Variants in XXYLT1 observed in about 807,000 individuals in gnomAD.
XXYLT1 encodes UDP-xylose:alpha-xyloside alpha-1,3-xylosyltransferase.
XXYLT1 carries 20 observed loss-of-function variants against 28.9 expected under a neutral mutation model. The observed-to-expected ratio is 0.69, with a 90% CI of 0.49 to 1.00. The LOEUF is 1.00. Among genes scored for constraint, XXYLT1 ranks in the 50% least tolerant of loss-of-function variants. The probability of loss-of-function intolerance (pLI) is 0.00; values close to 1 mark genes in which losing one functional copy is unlikely to be tolerated. For missense variants in XXYLT1, 542 were observed against 560.1 expected, an observed-to-expected ratio of 0.97 and a Z score of 0.33; for synonymous variants, 257 against 253.8, an observed-to-expected ratio of 1.01 and a Z score of -0.12.
At chr3:195,228,772 T>G (rs1385612890) in intron 1 of XXYLT1, among the ~76,000 whole-genome samples, 10 of 151,058 alleles carry the variant, frequency 6.6e-5, no homozygotes, top group East Asian at 3.9e-4. Context: ...ACAGGCATGA[T>G]CCACCACACC....
rs112176751 is a variant in XXYLT1 at position 195,080,297 on chromosome 3, C to T, written c.786-10186G>A. On this transcript the variant is annotated intron_variant, in intron 3 of 3. Transcript: ENST00000310380. Reference sequence around the variant, plus strand: ...TGCCCACAGCCCTCTGGACAACACCCTTCCTAGCGCTGGCCCTGGAAGGCA... The same window carrying T: ...TGCCCACAGCCCTCTGGACAACACCTTTCCTAGCGCTGGCCCTGGAAGGCA... 4.2e-3 allele frequency among the ~76,000 whole-genome samples: 645 copies of T among 152,356 alleles called. 1 individual carries two copies. The highest frequency in any genetic ancestry group is 0.015 in the African/African-American group (607 of 41,578).
chr3:195,171,393 G>C (rs982492015), intron 2 of XXYLT1, among the ~76,000 whole-genome samples: 1 of 152,164 alleles, frequency 6.6e-6, no homozygotes, highest in African/African-American at 2.4e-5. Flanking sequence ...TTTTTACCCG[G>C]TCACTTTCCA....
At chr3:195,112,224 G>A (rs1717757777) in intron 3 of XXYLT1, among the ~76,000 whole-genome samples, 1 of 152,176 alleles carries the variant, frequency 6.6e-6, no homozygotes, top group South Asian at 2.1e-4. Context: ...AAGCCTACTG[G>A]AATCCGGGTC....
At chr3:195,143,653 T>G (rs898230344) in intron 3 of XXYLT1, among the ~76,000 whole-genome samples, 1 of 151,260 alleles carries the variant, frequency 6.6e-6, no homozygotes, top group East Asian at 1.9e-4. Context: ...GGCATTTACC[T>G]GAAATTAAAC....
At chr3:195,085,764 C>G (rs1321115604) in intron 3 of XXYLT1, 1 of 152,756 alleles carries the variant, frequency 6.5e-6, no homozygotes, top group Non-Finnish European at 1.5e-5. Flanking sequence ...CCTCACTGTC[C>G]TTCGACTGTG....
At chr3:195,228,803 T>G (rs1724175084) in intron 1 of XXYLT1, among the ~76,000 whole-genome samples, 1 of 151,078 alleles carries the variant, frequency 6.6e-6, no homozygotes, top group Non-Finnish European at 1.5e-5. Flanking sequence ...CCCTTATTTC[T>G]TCTATATGTA....
At position 195,088,957 on chromosome 3, in the gene XXYLT1, A is replaced by G. The variant is rs937609590; in HGVS notation, c.786-18846T>C. 9.2e-5 allele frequency among the ~76,000 whole-genome samples: 14 copies of G among 152,182 alleles called. No individual in the cohort carries two copies. The South Asian group carries it at 1.0e-3, about 11-fold the overall frequency. On this transcript the variant is annotated intron_variant, in intron 3 of 3. Coordinates refer to ENST00000310380, the MANE Select transcript of XXYLT1 (RefSeq NM_152531.5). ...GAAGATGAAATGAATGAAATGAAGC[A>G]AGAAGGGAAGTTTAGAGAAAAAACA...
At chr3:195,175,582 A>C (rs762902315) in intron 2 of XXYLT1, 4 of 1,535,700 alleles carry the variant, frequency 2.6e-6, no homozygotes, top group Non-Finnish European at 3.5e-6. Context: ...GGTGTTTCAG[A>C]AGCAGGTCTC....
intron 2 of XXYLT1, among the ~76,000 whole-genome samples, chr3:195,208,829 C>T (rs1001187943): frequency 1.3e-5 from 2 of 151,992 alleles, no homozygotes; most frequent in East Asian, 1.9e-4. Context: ...CCAGAGTCCC[C>T]GGGAGGTCAC....
rs535505191 is a variant in XXYLT1, at chr3:195,106,295, G to T, written c.786-36184C>A. The stretch of plus-strand genomic sequence containing the variant: ...ATGCTCTTGCTGTGTTTTTGACGGA[G>T]AGATGCTCTTGTTGTGTTTTTGATG... On this transcript the variant is annotated intron_variant, in intron 3 of 3. Transcript: ENST00000310380. 5.4e-4 allele frequency among the ~76,000 whole-genome samples: 81 copies of T among 149,552 alleles called. 1 individual carries two copies. Among genetic ancestry groups the T allele is most frequent in the African/African-American group, 2.0e-3 (81 of 41,182 alleles).
intron 3 of XXYLT1, among the ~76,000 whole-genome samples, chr3:195,072,599 G>A (rs577028893): frequency 2.6e-5 from 4 of 152,328 alleles, no homozygotes; most frequent in South Asian, 2.1e-4. Context: ...AGAGGTATTT[G>A]ATGATGGTCA....
At chr3:195,098,683 C>T (rs1023855181) in intron 3 of XXYLT1, among the ~76,000 whole-genome samples, 1 of 152,262 alleles carries the variant, frequency 6.6e-6, no homozygotes, top group Non-Finnish European at 1.5e-5. Context: ...GAGCCCTCCT[C>T]GCTGCGCTGG....
chr3:195,184,125 G>A (rs1016305913), intron 2 of XXYLT1, among the ~76,000 whole-genome samples: 1 of 152,216 alleles, frequency 6.6e-6, no homozygotes, highest in Non-Finnish European at 1.5e-5. Context: ...TGAGCTATGA[G>A]CAAAGACAAC....
intron 2 of XXYLT1, among the ~76,000 whole-genome samples, chr3:195,197,639 T>A (rs1033656002): frequency 6.6e-6 from 1 of 152,060 alleles, no homozygotes; most frequent in Non-Finnish European, 1.5e-5. Flanking sequence ...ATTGAAACTA[T>A]CTAAACAAAT....
At chr3:195,153,380 C>A (rs988294022) in intron 3 of XXYLT1, among the ~76,000 whole-genome samples, 3 of 152,140 alleles carry the variant, frequency 2.0e-5, no homozygotes, top group African/African-American at 2.4e-5. Context: ...GCGGGGCACG[C>A]GGCAGGCAGT....
intron 1 of XXYLT1, among the ~76,000 whole-genome samples, chr3:195,238,092 C>T (rs1235990617): frequency 3.3e-5 from 5 of 152,172 alleles, no homozygotes; most frequent in East Asian, 1.9e-4. Context: ...AGTTACAGTC[C>T]GAATCCTCTA....
intron 3 of XXYLT1, among the ~76,000 whole-genome samples, chr3:195,105,863 A>G (rs1333325806): frequency 6.6e-6 from 1 of 152,182 alleles, no homozygotes; most frequent in Non-Finnish European, 1.5e-5. Context: ...TGACGTTTCC[A>G]GCTGTCACCA....
chr3:195,210,901 C>A lies in XXYLT1; in HGVS notation c.652+15808G>T, dbSNP rs566057000. 1.3e-5 allele frequency among the ~76,000 whole-genome samples: 2 copies of A among 152,308 alleles called. No homozygotes were observed. The highest frequency in any genetic ancestry group is 4.8e-5 in the African/African-American group (2 of 41,576). On this transcript the variant is annotated intron_variant, in intron 2 of 3. Transcript: ENST00000310380. The surrounding 1 kb of genome is among the most constrained non-coding windows in gnomAD (Gnocchi z 4.8). ...CAAGAACCCCTGCTCCTCCCCCCAGCTGAACGCTGACAGTCAAGGGCAGCA... is the reference window on the plus strand; with the variant it reads ...CAAGAACCCCTGCTCCTCCCCCCAGATGAACGCTGACAGTCAAGGGCAGCA...
chr3:195,109,602 GGT>G (rs1448440638), intron 3 of XXYLT1, among the ~76,000 whole-genome samples: 2 of 76,552 alleles, frequency 2.6e-5, no homozygotes, highest in East Asian at 2.4e-4. Flanking sequence ...ACGTGTGTGT[GGT>G]GTGTGTTGTA....
Sources: gnomAD v4.1 joint callset for allele counts (sites outside exome capture counted in the v4.1 genomes callset) on GRCh38, gnomAD v4.1.1 for gene constraint, Gnocchi (gnomAD v3.1) non-coding constraint, MANE v1.5 for transcripts, NCBI Gene and HGNC (gene_info 2026-07-23, HGNC 2026-07-21) for gene names.